Variants in SOD2 observed in about 807,000 individuals in gnomAD.
SOD2 encodes the protein superoxide dismutase [Mn], mitochondrial.
Under a neutral mutation model 27.0 loss-of-function variants are expected in SOD2, and 11 were observed. The ratio of observed to expected loss-of-function variants is 0.41; its 90% CI spans 0.26 to 0.67. The LOEUF is 0.67. SOD2 is among the 30% of genes least tolerant of loss of function. SOD2 has a pLI of 0.34. For synonymous variants in SOD2, 105 were observed against 103.0 expected, an observed-to-expected ratio of 1.02 and a Z score of -0.12; for missense variants, 250 against 274.5, an observed-to-expected ratio of 0.91 and a Z score of 0.63.
At chr6:159,713,159 C>T in intron 1 of SOD2, 1 of 1,250,244 alleles carries the variant, frequency 8.0e-7, no homozygotes, top group Non-Finnish European at 1.1e-6. Context: ...GAAACTGGAC[C>T]CACTATCTCC....
chr6:159,687,399 T>C (rs1246385866), intron 3 of SOD2, among the ~76,000 whole-genome samples: 2 of 151,350 alleles, frequency 1.3e-5, no homozygotes, highest in Non-Finnish European at 3.0e-5. Context: ...ACACAAGAAT[T>C]GCATGAACCT....
upstream of SOD2, among the ~76,000 whole-genome samples, chr6:159,693,627 G>A (rs902894829): frequency 6.6e-6 from 1 of 152,228 alleles, no homozygotes; most frequent in African/African-American, 2.4e-5. Context: ...CGGCTGCGGC[G>A]CCTGCCCCTG....
At chr6:159,755,008 T>G (rs1779952351) in intron 1 of SOD2, 1 of 1,574,518 alleles carries the variant, frequency 6.4e-7, no homozygotes, top group Non-Finnish European at 8.6e-7. Flanking sequence ...TTAAAGTTGG[T>G]CTGACTCTCC....
intron 1 of SOD2, among the ~76,000 whole-genome samples, chr6:159,721,075 ATTTTT>A (rs1170952564): frequency 7.5e-6 from 1 of 132,988 alleles, no homozygotes. Context: ...ATATTTTTTA[ATTTTT>A]TTTTTGAGAC....
chr6:159,684,880 T>C lies in SOD2; in HGVS notation c.497A>G (p.Asn166Ser), dbSNP rs1780111737. ...RGHLQIAACPNQDPLQGTTGL... is the reference protein window; with the variant it reads ...RGHLQIAACPSQDPLQGTTGL... ...TGTTGTTCCTTGCAGTGGATCCTGATTTGGACAAGCAGCAATTTGTAAGTG... is the reference window on the plus strand; with the variant it reads ...TGTTGTTCCTTGCAGTGGATCCTGACTTGGACAAGCAGCAATTTGTAAGTG... Residue 166 changes from asparagine to serine, a missense_variant, in exon 4 of 5, where the codon AAT (asparagine) becomes AGT (serine). By Grantham distance (46) the Asn-to-Ser change is conservative (BLOSUM62 1). Transcript: ENST00000538183. 3 of 1,612,854 alleles carry C rather than the reference T, an allele frequency of 1.9e-6. No homozygotes were observed. Among genetic ancestry groups the C allele is most frequent in the Non-Finnish European group, 2.5e-6 (3 of 1,179,422 alleles).
chr6:159,727,606 C>G, upstream of SOD2: 8 of 986,408 alleles, frequency 8.1e-6, no homozygotes, highest in Non-Finnish European at 9.6e-6. Context: ...GCAGAGCTGT[C>G]CGGCTGCGCG....
intron 1 of SOD2, among the ~76,000 whole-genome samples, chr6:159,744,485 T>A (rs1351130233): frequency 3.9e-5 from 6 of 152,024 alleles, no homozygotes; most frequent in African/African-American, 1.5e-4. Context: ...TCTAAGATAG[T>A]ATTCTGGTCA....
chr6:159,727,600 A>C, upstream of SOD2: 3 of 986,274 alleles, frequency 3.0e-6, no homozygotes, highest in Non-Finnish European at 3.6e-6. Context: ...CCGGCGGCAG[A>C]GCTGTCCGGC....
chr6:159,761,661 A>AC (rs776404057), exon 1 of SOD2: 1 of 438,992 alleles, frequency 2.3e-6, no homozygotes, highest in South Asian at 1.6e-5. Flanking sequence ...AGTCTTTGTC[A>AC]CCCCCCAGTC....
At chr6:159,728,099 AAAG>A (rs1778325535), upstream of SOD2, among the ~76,000 whole-genome samples, 1 of 152,256 alleles carries the variant, frequency 6.6e-6, no homozygotes, top group Admixed American at 6.5e-5. Flanking sequence ...GCAAGGAAAA[AAAG>A]AAACATTCGT....
chr6:159,706,513 G>C (rs1777629909), intron 1 of SOD2, among the ~76,000 whole-genome samples: 1 of 152,066 alleles, frequency 6.6e-6, no homozygotes, highest in African/African-American at 2.4e-5. Flanking sequence ...GATCAAAAGA[G>C]ACAAAGAAGG....
intron 1 of SOD2, chr6:159,743,821 T>G: frequency 6.4e-7 from 1 of 1,562,238 alleles, no homozygotes; most frequent in Non-Finnish European, 8.6e-7. Flanking sequence ...ATAAATGTCT[T>G]TAGTTGAGGA....
chr6:159,702,261 C>A (rs1337188833), intron 1 of SOD2, among the ~76,000 whole-genome samples: 1 of 151,898 alleles, frequency 6.6e-6, no homozygotes, highest in Non-Finnish European at 1.5e-5. Flanking sequence ...TCAAGACCAG[C>A]CTGGGCAGCA....
Position 159,692,645 on chromosome 6 carries a change from T to A in SOD2, c.226+16A>T, listed in dbSNP as rs1426467316. 1.9e-6 allele frequency: 3 copies of A among 1,612,078 alleles called. No homozygotes were observed. ...TCTGCCGGGGACTGCCTCCCGCCGC[T>A]CAGCCTGGAACCTACCCTTGGCCAA... On this transcript the variant is annotated intron_variant, in intron 2 of 4. Transcript: ENST00000538183.
intron 1 of SOD2, chr6:159,755,736 GTT>G (rs1277039315): frequency 2.8e-6 from 1 of 359,904 alleles, no homozygotes; most frequent in African/African-American, 7.6e-5. Flanking sequence ...TTTTTTTGTT[GTT>G]TTTTTTCTTT....
chr6:159,753,998 A>G (rs946345363), intron 1 of SOD2, among the ~76,000 whole-genome samples: 22 of 152,214 alleles, frequency 1.4e-4, no homozygotes, highest in African/African-American at 5.1e-4. Context: ...CAGCGATCTG[A>G]AAGTAATAAA....
At chr6:159,688,354 T>C (rs903052577) in intron 2 of SOD2, 112 bp from the exon 3 acceptor site, 10 of 686,674 alleles carry the variant, frequency 1.5e-5, no homozygotes, top group Admixed American at 6.8e-5. Flanking sequence ...AGCTTATCTA[T>C]AACATCCGTT....
intron 1 of SOD2, among the ~76,000 whole-genome samples, chr6:159,759,720 C>T (rs1021258481): frequency 1.3e-5 from 2 of 151,958 alleles, no homozygotes; most frequent in Non-Finnish European, 2.9e-5. Context: ...TTCTTAGTCT[C>T]TGTCTGTCTC....
At chr6:159,711,045 T>C (rs62437321) in intron 1 of SOD2, among the ~76,000 whole-genome samples, 100 of 45,896 alleles carry the variant, frequency 2.2e-3, no homozygotes, top group South Asian at 3.1e-3. Flanking sequence ...ACAGCTCTGA[T>C]CACCATAACC....
Sources: allele counts gnomAD v4.1 joint callset (sites outside exome capture counted in the v4.1 genomes callset), GRCh38; gene constraint gnomAD v4.1.1; transcripts MANE v1.5; gene names NCBI Gene and HGNC (gene_info 2026-07-23, HGNC 2026-07-21).